WWC1: variants seen among roughly 807,000 people sequenced by gnomAD.
WWC1 encodes protein KIBRA.
A neutral mutation model predicts 138.4 loss-of-function variants in WWC1; 55 were observed. The observed-to-expected ratio is 0.40, with a 90% CI of 0.32 to 0.50. WWC1 has a LOEUF of 0.50. WWC1 is among the 20% of genes least tolerant of loss of function. The pLI is 0.72. For synonymous variants in WWC1, 524 were observed against 564.9 expected, an observed-to-expected ratio of 0.93 and a Z score of 1.03; for missense variants, 1,226 against 1,420.4, an observed-to-expected ratio of 0.86 and a Z score of 2.20.
chr5:168,402,998 T>C (rs1779420524), intron 5 of WWC1, among the ~76,000 whole-genome samples: 1 of 145,984 alleles, frequency 6.9e-6, no homozygotes, highest in African/African-American at 2.5e-5. Context: ...AAAAGCTCTG[T>C]TGTTTCTTTT....
chr5:168,429,506 G>A (rs898455085), intron 13 of WWC1, among the ~76,000 whole-genome samples: 19 of 152,104 alleles, frequency 1.2e-4, no homozygotes, highest in Non-Finnish European at 2.2e-4. Context: ...TGATCTGCCC[G>A]CCTTGGCCTC....
chr5:168,403,074 CTTTCTTTT>C (rs1779492882), intron 5 of WWC1, among the ~76,000 whole-genome samples: 1 of 113,432 alleles, frequency 8.8e-6, no homozygotes, highest in Non-Finnish European at 1.9e-5. Context: ...TTCTTTCTTT[CTTTCTTTT>C]CTTTCTTTTC....
chr5:168,370,324 G>A (rs1466820309), intron 1 of WWC1, among the ~76,000 whole-genome samples: 1 of 152,190 alleles, frequency 6.6e-6, no homozygotes, highest in East Asian at 1.9e-4. Flanking sequence ...TGATCCATAT[G>A]CAGCAGCAGG....
rs753654641 is a variant in WWC1 at position 168,460,705 on chromosome 5, G to A, written c.2879G>A (p.Arg960Gln). The change falls in exon 20 of 23, where the codon CGA (arginine) becomes CAA (glutamine). Residue 960 changes from arginine to glutamine, a missense_variant. Physicochemically the swap from Arg to Gln is conservative, Grantham distance 43. Around this residue, in one of 3 missense-constraint regions of WWC1, gnomAD observed 206 missense variants for 247.4 expected, o/e 0.83. Transcript: ENST00000265293. ...STLSKKPPFV[R>Q]NSLERRSVRM... ...CTGTCCAAAAAGCCACCTTTTGTTC[G>A]AAACTCCCTGGAGCGACGCAGCGTC... 1 of 1,614,116 alleles carries A rather than the reference G, an allele frequency of 6.2e-7. No individual in the cohort carries two copies.
At chr5:168,389,027 C>T (rs941783401) in intron 3 of WWC1, among the ~76,000 whole-genome samples, 8 of 152,066 alleles carry the variant, frequency 5.3e-5, no homozygotes, top group Non-Finnish European at 1.0e-4. Flanking sequence ...ATTTAAAATT[C>T]ATGGCTCTAA....
chr5:168,395,473 G>A (rs1339523756), intron 3 of WWC1, among the ~76,000 whole-genome samples: 1 of 152,088 alleles, frequency 6.6e-6, no homozygotes, highest in Non-Finnish European at 1.5e-5. Context: ...AATACAGCAG[G>A]TCCTCAAATA....
At chr5:168,326,376 C>T (rs765877696) in intron 1 of WWC1, among the ~76,000 whole-genome samples, 6 of 151,966 alleles carry the variant, frequency 3.9e-5, no homozygotes, top group Admixed American at 6.6e-5. Context: ...TGCCACCACG[C>T]CCAGCTAATT....
intron 1 of WWC1, among the ~76,000 whole-genome samples, chr5:168,312,252 T>C (rs1054950177): frequency 6.6e-6 from 1 of 152,054 alleles, no homozygotes; most frequent in African/African-American, 2.4e-5. Context: ...AAGATTTTAT[T>C]GAGTGCAAAG....
At position 168,385,403 on chromosome 5, in the gene WWC1, C is replaced by A; in HGVS notation, c.422C>A (p.Ser141Tyr). 1 of 1,613,578 alleles carries A rather than the reference C, an allele frequency of 6.2e-7. No homozygotes were observed. Among genetic ancestry groups the A allele is most frequent in the Admixed American group, 1.7e-5 (1 of 59,996 alleles). The stretch of plus-strand genomic sequence containing the variant: ...GCCGTCTGGGAGCATAAGCTGGGCT[C>A]CCAGGTCAGCTGTGAGTACCTCCCA... ...LHAVWEHKLG[S>Y]QVSLVSGSSS... The change falls in exon 3 of 23, where the codon TCC becomes TAC. Residue 141 changes from serine (S) to tyrosine (Y), a missense_variant. By Grantham distance (144) the Ser-to-Tyr change is moderately radical (BLOSUM62 -2). Coordinates refer to ENST00000265293, the MANE Select transcript of WWC1 (RefSeq NM_015238.3).
intron 1 of WWC1, among the ~76,000 whole-genome samples, chr5:168,370,433 C>A (rs905892590): frequency 5.3e-5 from 8 of 152,196 alleles, no homozygotes; most frequent in Admixed American, 3.3e-4. Context: ...CCCGTCCTGT[C>A]CCGTTGTACT....
intron 1 of WWC1, among the ~76,000 whole-genome samples, chr5:168,341,939 A>G (rs1331804998): frequency 6.6e-6 from 1 of 152,118 alleles, no homozygotes; most frequent in Non-Finnish European, 1.5e-5. Flanking sequence ...ACTCCACACA[A>G]TTAGAGCTGT....
chr5:168,328,193 A>T (rs1004735239), intron 1 of WWC1, among the ~76,000 whole-genome samples: 1 of 152,186 alleles, frequency 6.6e-6, no homozygotes, highest in Non-Finnish European at 1.5e-5. Flanking sequence ...AGTCTCAGTG[A>T]TCTCACCCAC....
Position 168,292,465 on chromosome 5 carries a change from G to C in WWC1, c.119+194G>C, listed in dbSNP as rs1202560550. 6.6e-6 allele frequency among the ~76,000 whole-genome samples: 1 copy of C among 152,092 alleles called. No homozygotes were observed. Among genetic ancestry groups the C allele is most frequent in the Non-Finnish European group, 1.5e-5 (1 of 68,010 alleles). ...CGCCTCAGTGGGCCACCGAGAGGAG[G>C]CGCCTGCCGGGGAGCTGGCCCAGGC... On this transcript the variant is annotated intron_variant, in intron 1 of 22. Coordinates refer to ENST00000265293, the MANE Select transcript of WWC1 (RefSeq NM_015238.3). This position sits in a 1 kb window ranked among gnomAD's most constrained non-coding sequence, Gnocchi z 4.4.
At chr5:168,315,350 C>G (rs1487444349) in intron 1 of WWC1, among the ~76,000 whole-genome samples, 1 of 151,886 alleles carries the variant, frequency 6.6e-6, no homozygotes, top group Non-Finnish European at 1.5e-5. Flanking sequence ...TTATATGCTA[C>G]CCAGATGATT....
chr5:168,418,257 AC>A (rs1176884815), intron 9 of WWC1, among the ~76,000 whole-genome samples: 3 of 151,698 alleles, frequency 2.0e-5, no homozygotes, highest in Non-Finnish European at 2.9e-5. Flanking sequence ...ACCTCATCCT[AC>A]CCTCTGCCTC....
intron 2 of WWC1, among the ~76,000 whole-genome samples, chr5:168,380,554 G>C (rs902674018): frequency 6.6e-6 from 1 of 152,162 alleles, no homozygotes; most frequent in Non-Finnish European, 1.5e-5. Context: ...GGAAGAACTA[G>C]AATTCTGATA....
At chr5:168,400,793 C>A (rs943684145) in intron 5 of WWC1, among the ~76,000 whole-genome samples, 3 of 132,956 alleles carry the variant, frequency 2.3e-5, no homozygotes, top group African/African-American at 8.6e-5. Flanking sequence ...GTCTGAGTGG[C>A]AAAGTGAGAC....
chr5:168,383,190 AAAAAAG>A (rs1466981983), intron 2 of WWC1, among the ~76,000 whole-genome samples: 45 of 152,060 alleles, frequency 3.0e-4, no homozygotes, highest in Non-Finnish European at 5.6e-4. Flanking sequence ...AACAAAAAAA[AAAAAAG>A]AAAAGAAAAA....
intron 1 of WWC1, among the ~76,000 whole-genome samples, chr5:168,361,109 G>A (rs1363581371): frequency 6.6e-6 from 1 of 152,176 alleles, no homozygotes; most frequent in African/African-American, 2.4e-5. Flanking sequence ...CAAGAACCTG[G>A]GAAGCAGGTT....
Sources: gnomAD v4.1 joint callset for allele counts (sites outside exome capture counted in the v4.1 genomes callset) on GRCh38, gnomAD v4.1.1 for gene constraint, gnomAD v4.1.1 regional missense constraint, Gnocchi (gnomAD v3.1) non-coding constraint, MANE v1.5 for transcripts, NCBI Gene and HGNC (gene_info 2026-07-23, HGNC 2026-07-21) for gene names.